Variants in RTL4 observed in about 807,000 individuals in gnomAD.
RTL4 encodes the protein retrotransposon Gag-like protein 4.
Under a neutral mutation model 5.3 loss-of-function variants are expected in RTL4, and 4 were observed. The observed-to-expected ratio is 0.75, with a 90% CI of 0.37 to 1.72. RTL4 has a LOEUF of 1.72. RTL4 is among the 40% of genes most tolerant of loss of function. The pLI is 0.04. For missense variants in RTL4, 260 were observed against 227.1 expected, an observed-to-expected ratio of 1.14 and a Z score of -0.93; for synonymous variants, 98 against 87.3, an observed-to-expected ratio of 1.12 and a Z score of -0.68.
the RTL4 span, among the ~76,000 whole-genome samples, chrX:112,273,397 G>T: frequency 1.8e-5 from 2 of 110,231 alleles, no homozygotes; most frequent in Non-Finnish European, 3.8e-5. Flanking sequence ...GGGACTACAG[G>T]CGCCCACCAC....
At chrX:112,154,460 C>G in the RTL4 span, among the ~76,000 whole-genome samples, 1 of 112,041 alleles carries the variant, frequency 8.9e-6, no homozygotes, top group Non-Finnish European at 1.9e-5. Context: ...GTCTGGAAAT[C>G]AGACCCCACC....
At chrX:112,277,965 A>G in the RTL4 span, among the ~76,000 whole-genome samples, 1 of 112,192 alleles carries the variant, frequency 8.9e-6, no homozygotes, top group African/African-American at 3.2e-5. Flanking sequence ...TTGATGTTAT[A>G]TAGAGCACTG....
At chrX:112,247,595 T>C in the RTL4 span, among the ~76,000 whole-genome samples, 9 of 112,337 alleles carry the variant, frequency 8.0e-5, no homozygotes, top group Non-Finnish European at 1.7e-4. Flanking sequence ...AATAAGATTA[T>C]CTGTATTACA....
chrX:112,113,854 G>A, the RTL4 span, among the ~76,000 whole-genome samples: 1 of 111,851 alleles, frequency 8.9e-6, no homozygotes, highest in Admixed American at 9.5e-5. Flanking sequence ...AACCAGCAAG[G>A]TTTGTTTGTC....
the RTL4 span, among the ~76,000 whole-genome samples, chrX:112,280,478 T>A: frequency 9.0e-6 from 1 of 110,972 alleles, no homozygotes; most frequent in Non-Finnish European, 1.9e-5. Flanking sequence ...AAGTTTTTTG[T>A]GTGTTTGTTT....
the RTL4 span, among the ~76,000 whole-genome samples, chrX:112,120,316 G>A: frequency 8.9e-5 from 10 of 112,131 alleles, no homozygotes; most frequent in South Asian, 1.1e-3. Flanking sequence ...TGGCTCTGTC[G>A]CCCAGGCTGT....
chrX:112,292,625 A>G, the RTL4 span, among the ~76,000 whole-genome samples: 2 of 111,901 alleles, frequency 1.8e-5, no homozygotes, highest in Non-Finnish European at 3.8e-5. Flanking sequence ...TCTGATTTGT[A>G]AAACCAATTA....
chrX:112,313,606 A>G, the RTL4 span, among the ~76,000 whole-genome samples: 1 of 84,553 alleles, frequency 1.2e-5, no homozygotes, highest in Non-Finnish European at 2.3e-5. Flanking sequence ...TTGCTTCAGA[A>G]CCTCTCTCTC....
the RTL4 span, among the ~76,000 whole-genome samples, chrX:112,135,216 T>C: frequency 3.6e-5 from 4 of 112,167 alleles, no homozygotes; most frequent in African/African-American, 1.3e-4. Flanking sequence ...CAACACTTAG[T>C]AAGGTCAACC....
the RTL4 span, among the ~76,000 whole-genome samples, chrX:112,127,975 A>C: frequency 3.6e-5 from 4 of 112,121 alleles, no homozygotes; most frequent in Admixed American, 9.5e-5. Context: ...TAATATCATT[A>C]AAGTGACAAT....
the RTL4 span, among the ~76,000 whole-genome samples, chrX:112,148,274 G>A: frequency 9.9e-6 from 1 of 101,286 alleles, no homozygotes; most frequent in African/African-American, 3.8e-5. Context: ...CAACCAAGCA[G>A]AAATACGTGT....
At chrX:112,432,037 A>C in the RTL4 span, among the ~76,000 whole-genome samples, 50 of 105,643 alleles carry the variant, frequency 4.7e-4, no homozygotes, top group South Asian at 9.7e-3. Context: ...AATTTCATCC[A>C]TGTCCCTACA....
chrX:112,319,005 G>T, the RTL4 span, among the ~76,000 whole-genome samples: 7 of 111,557 alleles, frequency 6.3e-5, no homozygotes, highest in Non-Finnish European at 1.1e-4. Context: ...CAAAAACTGA[G>T]ATTTCCTACA....
the RTL4 span, among the ~76,000 whole-genome samples, chrX:112,437,078 TA>T: frequency 8.9e-6 from 1 of 112,089 alleles, no homozygotes; most frequent in Non-Finnish European, 1.9e-5. Context: ...CCAAATTTAT[TA>T]AATTGAAACA....
chrX:112,312,608 G>A, the RTL4 span, among the ~76,000 whole-genome samples: 1 of 111,519 alleles, frequency 9.0e-6, no homozygotes, highest in Admixed American at 9.6e-5. Flanking sequence ...ATGTCTCACA[G>A]TGTTACAATT....
chrX:112,151,296 A>G, the RTL4 span, among the ~76,000 whole-genome samples: 2 of 111,794 alleles, frequency 1.8e-5, no homozygotes, highest in African/African-American at 6.5e-5. Context: ...CCTCTCAGCA[A>G]ATATTCAATG....
the RTL4 span, among the ~76,000 whole-genome samples, chrX:112,138,083 C>T: frequency 8.9e-6 from 1 of 112,083 alleles, no homozygotes; most frequent in African/African-American, 3.2e-5. Context: ...AAAATCCTGC[C>T]TTTTGCAACA....
At chrX:112,349,936 T>A in the RTL4 span, among the ~76,000 whole-genome samples, 4 of 110,551 alleles carry the variant, frequency 3.6e-5, no homozygotes, top group Non-Finnish European at 7.6e-5. Flanking sequence ...ATCCCTGCCT[T>A]GTGCCAGTTT....
At chrX:112,097,554 T>C in the RTL4 span, among the ~76,000 whole-genome samples, 1 of 111,369 alleles carries the variant, frequency 9.0e-6, no homozygotes, top group Non-Finnish European at 1.9e-5. Context: ...GAGGATTGCT[T>C]GAGCCTGTCA....
Sources: gnomAD v4.1 joint callset for allele counts (sites outside exome capture counted in the v4.1 genomes callset) on GRCh38, gnomAD v4.1.1 for gene constraint, MANE v1.5 for transcripts, NCBI Gene and HGNC (gene_info 2026-07-23, HGNC 2026-07-21) for gene names.